HS3ST2: variants seen among roughly 807,000 people sequenced by gnomAD.
The protein encoded by HS3ST2 is heparan sulfate glucosamine 3-O-sulfotransferase 2.
A neutral mutation model predicts 26.3 loss-of-function variants in HS3ST2; 17 were observed. That is an observed-to-expected ratio of 0.65 (90% confidence interval 0.44 to 0.97). The LOEUF (loss-of-function observed/expected upper bound fraction) is 0.97, where lower values mean the gene tolerates loss of function less well. HS3ST2 is among the 50% of genes least tolerant of loss of function. HS3ST2 has a pLI of 0.00. For missense variants in HS3ST2, 402 were observed against 501.2 expected (o/e 0.80, Z 1.89); for synonymous variants, 237 against 219.2 (o/e 1.08, Z -0.72).
At chr16:22,837,984 GC>G (rs1436209218) in intron 1 of HS3ST2, among the ~76,000 whole-genome samples, 1 of 151,790 alleles carries the variant, frequency 6.6e-6, no homozygotes, top group African/African-American at 2.4e-5. Context: ...CCACTTATGT[GC>G]CTAACAAAAT....
chr16:22,889,016 T>C (rs1377945980), intron 1 of HS3ST2, among the ~76,000 whole-genome samples: 1 of 152,182 alleles, frequency 6.6e-6, no homozygotes, highest in Non-Finnish European at 1.5e-5. Context: ...AACAAACAAG[T>C]TCCCCTCTCT....
intron 1 of HS3ST2, among the ~76,000 whole-genome samples, chr16:22,831,538 T>G (rs556004998): frequency 1.3e-5 from 2 of 152,184 alleles, no homozygotes; most frequent in East Asian, 3.9e-4. Context: ...ATCTGGATTG[T>G]AGGTTTGATA....
intron 1 of HS3ST2, among the ~76,000 whole-genome samples, chr16:22,907,081 G>C (rs965421652): frequency 6.6e-6 from 1 of 152,180 alleles, no homozygotes; most frequent in African/African-American, 2.4e-5. Context: ...TTGGAAATGC[G>C]AGTAGGCATT....
At chr16:22,836,343 T>C (rs1901253868) in intron 1 of HS3ST2, among the ~76,000 whole-genome samples, 1 of 152,202 alleles carries the variant, frequency 6.6e-6, no homozygotes, top group South Asian at 2.1e-4. Flanking sequence ...AATTGACTCA[T>C]AGTTCTGCAG....
intron 1 of HS3ST2, chr16:22,854,684 G>C (rs908461447): frequency 2.1e-5 from 3 of 146,290 alleles, no homozygotes; most frequent in Non-Finnish European, 4.5e-5. Context: ...TGTCATTCAA[G>C]CTTGGGTGCA....
At chr16:22,818,137 G>A (rs208955) in intron 1 of HS3ST2, among the ~76,000 whole-genome samples, 30,839 of 151,998 alleles carry the variant, frequency 0.2, 3,319 homozygotes, top group African/African-American at 0.28. Context: ...GTCTGGCCTG[G>A]GTTCTCCCCC....
chr16:22,824,539 T>C (rs1005953439), intron 1 of HS3ST2, among the ~76,000 whole-genome samples: 1 of 149,878 alleles, frequency 6.7e-6, no homozygotes, highest in Non-Finnish European at 1.5e-5. Flanking sequence ...AGGGCGAGAC[T>C]CCGCCAAAAA....
At chr16:22,907,959 G>A (rs145180732) in intron 1 of HS3ST2, among the ~76,000 whole-genome samples, 116 of 152,260 alleles carry the variant, frequency 7.6e-4, no homozygotes, top group African/African-American at 2.7e-3. Flanking sequence ...GCAACATGGC[G>A]AAACCTTGTC....
At chr16:22,828,399 A>G (rs1387502213) in intron 1 of HS3ST2, among the ~76,000 whole-genome samples, 1 of 152,178 alleles carries the variant, frequency 6.6e-6, no homozygotes, top group East Asian at 1.9e-4. Context: ...GGTGGCTGCC[A>G]TGATGACACT....
At chr16:22,833,956 AAAAGC>A (rs1901212990) in intron 1 of HS3ST2, among the ~76,000 whole-genome samples, 1 of 152,148 alleles carries the variant, frequency 6.6e-6, no homozygotes, top group Admixed American at 6.5e-5. Context: ...AAAACAAAAC[AAAAGC>A]AAAGTAAAAA....
intron 1 of HS3ST2, among the ~76,000 whole-genome samples, chr16:22,826,486 TCTTA>T (rs1345357405): frequency 6.6e-6 from 1 of 152,196 alleles, no homozygotes; most frequent in Non-Finnish European, 1.5e-5. Flanking sequence ...TTTATTTACT[TCTTA>T]CTTCTCACTG....
chr16:22,866,488 G>T (rs1901754620), intron 1 of HS3ST2, among the ~76,000 whole-genome samples: 1 of 151,986 alleles, frequency 6.6e-6, no homozygotes, highest in African/African-American at 2.4e-5. Flanking sequence ...TTTGTATGAA[G>T]GCTGGGCACA....
At chr16:22,843,407 T>A (rs1363370662) in intron 1 of HS3ST2, among the ~76,000 whole-genome samples, 1 of 152,198 alleles carries the variant, frequency 6.6e-6, no homozygotes, top group African/African-American at 2.4e-5. Flanking sequence ...TGCCCGCTAG[T>A]TGCAAATTTG....
At chr16:22,878,171 T>A (rs1253391363) in intron 1 of HS3ST2, among the ~76,000 whole-genome samples, 1 of 152,244 alleles carries the variant, frequency 6.6e-6, no homozygotes, top group Non-Finnish European at 1.5e-5. Flanking sequence ...ATTGTGTACA[T>A]TATGATGTCT....
Position 22,814,523 on chromosome 16 carries a change from G to C in HS3ST2, c.-88G>C. ...CCGCGTGGCCGTGGCAGCGCCACGC[G>C]AGCCCTCTAGGCGACCGCAGGGCCA... On this transcript the variant is annotated 5_prime_UTR_variant, in exon 1 of 2. Transcript: ENST00000261374. The C allele has an allele frequency of 7.3e-7, 1 of 1,376,074 alleles. No homozygotes were observed. The highest frequency in any genetic ancestry group is 9.4e-7 in the Non-Finnish European group (1 of 1,068,164). The allele number at this position is 1,376,074 out of a possible 1,614,324, so 85.2% of individuals were successfully genotyped here.
rs1243169616 is a variant in HS3ST2, at chr16:22,914,829, A to G, written c.486-115A>G. 4 of 1,003,140 alleles carry G rather than the reference A, an allele frequency of 4.0e-6. No homozygotes were observed. In the African/African-American group the frequency reaches 4.9e-5, roughly 12 times the overall value. 62.1% of individuals were successfully genotyped at this position (1,003,140 alleles called of 1,614,324 possible). ...TCACCAGGTGAAAGCTTTGAGTGGA[A>G]CAGAGGCCAGGAGGAGGATGCAACA... On this transcript the variant is annotated intron_variant, in intron 1 of 1. Coordinates refer to ENST00000261374, the MANE Select transcript of HS3ST2 (RefSeq NM_006043.2).
At chr16:22,906,813 C>T (rs999355111) in intron 1 of HS3ST2, among the ~76,000 whole-genome samples, 2 of 152,148 alleles carry the variant, frequency 1.3e-5, no homozygotes, top group Admixed American at 6.5e-5. Flanking sequence ...ACTCAAGGGC[C>T]GCTTCTCAAT....
At chr16:22,840,761 C>T (rs1901339771) in intron 1 of HS3ST2, among the ~76,000 whole-genome samples, 1 of 152,126 alleles carries the variant, frequency 6.6e-6, no homozygotes, top group Non-Finnish European at 1.5e-5. Context: ...GGAGAAATGT[C>T]AGTGGTTCTG....
At chr16:22,876,452 T>G (rs1901919072) in intron 1 of HS3ST2, among the ~76,000 whole-genome samples, 1 of 152,096 alleles carries the variant, frequency 6.6e-6, no homozygotes, top group African/African-American at 2.4e-5. Context: ...AAATAAAACA[T>G]AATAGATATT....
Sources: gnomAD v4.1 joint callset for allele counts (sites outside exome capture counted in the v4.1 genomes callset) on GRCh38, gnomAD v4.1.1 for gene constraint, MANE v1.5 for transcripts, NCBI Gene and HGNC (gene_info 2026-07-23, HGNC 2026-07-21) for gene names.